ITSN1: variants seen among roughly 807,000 people sequenced by gnomAD.
ITSN1 encodes the protein intersectin-1.
In ITSN1, 58 loss-of-function variants were observed where a neutral mutation model predicts 239.8. The ratio of observed to expected loss-of-function variants is 0.24; its 90% CI spans 0.20 to 0.30. The LOEUF (loss-of-function observed/expected upper bound fraction) is 0.30. ITSN1 is among the 10% of genes least tolerant of loss of function. ITSN1 has a pLI of 1.00. For synonymous variants in ITSN1, 780 were observed against 770.8 expected (o/e 1.01, Z -0.20); for missense variants, 1,558 against 2,103.3 (o/e 0.74, Z 5.07).
chr21:33,802,448 A>G lies in ITSN1; in HGVS notation c.2319+4A>G. The G allele has an allele frequency of 1.2e-6, 2 of 1,613,694 alleles. No homozygotes were observed. Among genetic ancestry groups the G allele is most frequent in the African/African-American group, 1.3e-5 (1 of 75,018 alleles). ...GGTGGAGGTTAAAGGGGAATGGGTA[A>G]GTGTTGCCTAACTGTCAGGAAGTCT... On this transcript the variant is annotated splice_donor_region_variant and intron_variant, in intron 20 of 39. Transcript: ENST00000381318.
chr21:33,698,667 A>G (rs1293205428), intron 1 of ITSN1, among the ~76,000 whole-genome samples: 2 of 152,200 alleles, frequency 1.3e-5, no homozygotes, highest in Admixed American at 1.3e-4. Flanking sequence ...GGGATTTGTC[A>G]GTTCCTTTGT....
chr21:33,672,458 TA>T (rs200375181), intron 1 of ITSN1, among the ~76,000 whole-genome samples: 6,701 of 151,990 alleles, frequency 0.044, 494 homozygotes, highest in African/African-American at 0.15. Flanking sequence ...ATGGCCATTA[TA>T]AAAAAAGACT....
chr21:33,880,240 G>T (rs559884069), intron 34 of ITSN1, among the ~76,000 whole-genome samples: 1 of 152,342 alleles, frequency 6.6e-6, no homozygotes, highest in East Asian at 1.9e-4. Flanking sequence ...TGAAGATAGA[G>T]AAGTTTAAAT....
At chr21:33,872,252 C>T (rs890144159) in intron 33 of ITSN1, among the ~76,000 whole-genome samples, 2 of 152,090 alleles carry the variant, frequency 1.3e-5, no homozygotes, top group South Asian at 2.1e-4. Context: ...AGCAATTCCA[C>T]CTCTAGGAAT....
chr21:33,682,621 C>T (rs1425855335), intron 1 of ITSN1, among the ~76,000 whole-genome samples: 4 of 152,148 alleles, frequency 2.6e-5, no homozygotes, highest in African/African-American at 7.2e-5. Flanking sequence ...CTCTGCTTCC[C>T]GGGTACAAGT....
intron 34 of ITSN1, among the ~76,000 whole-genome samples, chr21:33,881,176 G>A (rs911157593): frequency 6.6e-6 from 1 of 152,172 alleles, no homozygotes; most frequent in African/African-American, 2.4e-5. Flanking sequence ...GGGAGGCCAA[G>A]GCAGGTGGAT....
intron 1 of ITSN1, among the ~76,000 whole-genome samples, chr21:33,687,669 A>G (rs867994598): frequency 1.3e-4 from 20 of 152,234 alleles, no homozygotes; most frequent in Non-Finnish European, 8.8e-5. Context: ...CATTTTCAGG[A>G]CAGCATTCCA....
At chr21:33,880,153 T>G (rs1455976776) in intron 34 of ITSN1, among the ~76,000 whole-genome samples, 1 of 152,216 alleles carries the variant, frequency 6.6e-6, no homozygotes, top group African/African-American at 2.4e-5. Flanking sequence ...GATCACGGTG[T>G]GGACCATGCG....
chr21:33,832,254 G>A (rs2074338201), intron 27 of ITSN1, among the ~76,000 whole-genome samples: 1 of 152,162 alleles, frequency 6.6e-6, no homozygotes, highest in South Asian at 2.1e-4. Flanking sequence ...TCCCACTTCT[G>A]GAAGCTCTCT....
At chr21:33,792,903 C>G (rs938211562) in intron 16 of ITSN1, among the ~76,000 whole-genome samples, 1 of 151,982 alleles carries the variant, frequency 6.6e-6, no homozygotes, top group Non-Finnish European at 1.5e-5. Context: ...CCCTTCCTTC[C>G]TTTCCTTTTT....
At chr21:33,734,093 A>G (rs1282459558) in intron 4 of ITSN1, among the ~76,000 whole-genome samples, 1 of 152,230 alleles carries the variant, frequency 6.6e-6, no homozygotes, top group Non-Finnish European at 1.5e-5. Flanking sequence ...TCTTTCAAAT[A>G]CATTTTTCAT....
chr21:33,823,408 A>T, intron 24 of ITSN1, 79 bp from the exon 25 acceptor site: 2 of 1,307,304 alleles, frequency 1.5e-6, no homozygotes, highest in Admixed American at 1.9e-5. Flanking sequence ...CCTTATTCGT[A>T]AACTTGCTTT....
intron 1 of ITSN1, among the ~76,000 whole-genome samples, chr21:33,661,831 C>T (rs1362568554): frequency 6.6e-6 from 1 of 151,988 alleles, no homozygotes; most frequent in Non-Finnish European, 1.5e-5. Context: ...GTGAGACATA[C>T]CTTTTGCCTT....
At chr21:33,682,809 CT>C (rs892446137) in intron 1 of ITSN1, among the ~76,000 whole-genome samples, 32 of 141,334 alleles carry the variant, frequency 2.3e-4, no homozygotes, top group Admixed American at 4.8e-4. Flanking sequence ...GGCTTGAGCC[CT>C]TTTTTTTTTC....
intron 27 of ITSN1, among the ~76,000 whole-genome samples, chr21:33,832,436 A>C (rs1294115932): frequency 2.0e-5 from 3 of 152,156 alleles, no homozygotes; most frequent in Non-Finnish European, 4.4e-5. Flanking sequence ...CAGTCCCCAC[A>C]CCTCTAGCAC....
chr21:33,855,467 A>C (rs935944661), intron 29 of ITSN1, among the ~76,000 whole-genome samples: 1 of 152,244 alleles, frequency 6.6e-6, no homozygotes, highest in Non-Finnish European at 1.5e-5. Context: ...TCCCACCTAC[A>C]TTCGGGACAC....
chr21:33,878,041 TG>T, intron 34 of ITSN1, among the ~76,000 whole-genome samples: 1 of 150,412 alleles, frequency 6.6e-6, no homozygotes, highest in Non-Finnish European at 1.5e-5. Context: ...TGTGTGTGTG[TG>T]TGTGTTTGTT....
intron 5 of ITSN1, among the ~76,000 whole-genome samples, chr21:33,737,855 G>A (rs2066599026): frequency 6.6e-6 from 1 of 152,128 alleles, no homozygotes; most frequent in African/African-American, 2.4e-5. Flanking sequence ...ATTACAGGAT[G>A]AGCCACTGCA....
chr21:33,788,876 A>G (rs1051203327), intron 16 of ITSN1, among the ~76,000 whole-genome samples: 1 of 152,222 alleles, frequency 6.6e-6, no homozygotes, highest in Non-Finnish European at 1.5e-5. Context: ...ACATGAAGCC[A>G]GACGTTCAAG....
Sources: allele counts gnomAD v4.1 joint callset (sites outside exome capture counted in the v4.1 genomes callset), GRCh38; gene constraint gnomAD v4.1.1; transcripts MANE v1.5; gene names NCBI Gene and HGNC (gene_info 2026-07-23, HGNC 2026-07-21).